Variants in DIP2C observed in about 807,000 individuals in gnomAD.
The protein encoded by DIP2C is DIP2 acetate--CoA ligase C (putative), also known as disco-interacting protein 2 homolog C.
Under a neutral mutation model 192.4 loss-of-function variants are expected in DIP2C, and 33 were observed. That is an observed-to-expected ratio of 0.17 (90% CI 0.13 to 0.23). The LOEUF (loss-of-function observed/expected upper bound fraction) is 0.23. DIP2C is among the 10% of genes least tolerant of loss of function. DIP2C has a pLI of 1.00. For missense variants in DIP2C, 1,537 were observed against 2,110.1 expected (o/e 0.73, Z 5.32); for synonymous variants, 979 against 864.1 (o/e 1.13, Z -2.33).
intron 1 of DIP2C, among the ~76,000 whole-genome samples, chr10:644,515 G>A (rs1055898634): frequency 2.6e-5 from 4 of 152,252 alleles, no homozygotes; most frequent in Non-Finnish European, 5.9e-5. Context: ...TCAGCAACAC[G>A]GCCCGCCGTA....
chr10:484,782 G>GA, intron 2 of DIP2C: 1 of 1,610,486 alleles, frequency 6.2e-7, no homozygotes, highest in Non-Finnish European at 8.5e-7. Context: ...AGCGCTCACC[G>GA]AAACGAAAGT....
At chr10:392,749 CAT>C (rs1348055781) in intron 10 of DIP2C, among the ~76,000 whole-genome samples, 4 of 150,920 alleles carry the variant, frequency 2.7e-5, no homozygotes, top group African/African-American at 9.7e-5. Flanking sequence ...CACACACTCA[CAT>C]ACACACACAC....
At chr10:384,323 C>T (rs1248700509) in intron 15 of DIP2C, among the ~76,000 whole-genome samples, 177 bp from the exon 16 acceptor site, 1 of 134,508 alleles carries the variant, frequency 7.4e-6, no homozygotes, top group African/African-American at 2.7e-5. Flanking sequence ...ACCGCAACCT[C>T]CTTCTCCTGG....
chr10:577,148 A>G (rs543065635), intron 1 of DIP2C, among the ~76,000 whole-genome samples: 6 of 152,342 alleles, frequency 3.9e-5, no homozygotes, highest in African/African-American at 1.2e-4. Context: ...AAGTTCCAGT[A>G]TGGCTGCATC....
At chr10:524,980 AAAAG>A (rs1382402036) in intron 1 of DIP2C, among the ~76,000 whole-genome samples, 1 of 151,586 alleles carries the variant, frequency 6.6e-6, no homozygotes, top group East Asian at 1.9e-4. Flanking sequence ...AAAAAAAAAA[AAAAG>A]AATCACATTT....
intron 1 of DIP2C, among the ~76,000 whole-genome samples, chr10:571,948 A>AC (rs1343508617): frequency 6.6e-6 from 1 of 152,238 alleles, no homozygotes; most frequent in African/African-American, 2.4e-5. Flanking sequence ...ATCCATGGTT[A>AC]CAAAAGAACC....
chr10:329,577 G>A lies in DIP2C; in HGVS notation c.3609C>T (p.Ile1203=), dbSNP rs368887719. 1.1e-5 allele frequency: 17 copies of A among 1,614,042 alleles called. No homozygotes were observed. Among genetic ancestry groups the A allele is most frequent in the Non-Finnish European group, 1.4e-5 (16 of 1,180,032 alleles). ...TTTCCAGCTCAGAGGGCGGGATCAG[G>A]ATGGACTGGTGCCCAGAATACACAC... ...LCSVYSGHQS[I]LIPPSELETN... is the part of the protein sequence containing the mutation. Residue 1203 remains isoleucine, a synonymous_variant, in exon 30 of 37, where the codon ATC becomes ATT. Transcript: ENST00000280886.
At chr10:440,651 T>A (rs1038292160) in intron 4 of DIP2C, among the ~76,000 whole-genome samples, 12 of 152,184 alleles carry the variant, frequency 7.9e-5, no homozygotes, top group Non-Finnish European at 4.4e-5. Flanking sequence ...TATGTATGAG[T>A]CTTGATGAAA....
intron 1 of DIP2C, among the ~76,000 whole-genome samples, chr10:505,385 T>C (rs752977731): frequency 2.6e-5 from 4 of 152,236 alleles, no homozygotes; most frequent in Non-Finnish European, 5.9e-5. Flanking sequence ...CTCCACCTTC[T>C]ACTGCCACAA....
At chr10:590,723 T>TA (rs1196066849) in intron 1 of DIP2C, among the ~76,000 whole-genome samples, 5 of 152,204 alleles carry the variant, frequency 3.3e-5, no homozygotes, top group Non-Finnish European at 7.3e-5. Flanking sequence ...TACCTAGTGC[T>TA]AGAAAGCAGA....
chr10:638,456 C>G (rs1396825084), intron 1 of DIP2C, among the ~76,000 whole-genome samples: 2 of 152,112 alleles, frequency 1.3e-5, no homozygotes, highest in Non-Finnish European at 2.9e-5. Context: ...AACAGGAAAC[C>G]AAAAGGCTTT....
At chr10:337,505 C>CTG (rs1957892958) in intron 29 of DIP2C, among the ~76,000 whole-genome samples, 1 of 127,522 alleles carries the variant, frequency 7.8e-6, no homozygotes, top group Non-Finnish European at 1.6e-5. Flanking sequence ...GAGGCCTAGA[C>CTG]AGTCTGTGTG....
intron 1 of DIP2C, among the ~76,000 whole-genome samples, chr10:686,595 C>T (rs778947320): frequency 6.6e-6 from 1 of 152,236 alleles, no homozygotes; most frequent in Non-Finnish European, 1.5e-5. Flanking sequence ...CACATGGATT[C>T]GAGGCCATCA....
chr10:310,214 A>G, intron 31 of DIP2C, 122 bp from the exon 32 acceptor site: 1 of 931,708 alleles, frequency 1.1e-6, no homozygotes, highest in Non-Finnish European at 1.7e-6. Flanking sequence ...AACTAAAAAC[A>G]CTTAGACCAG....
chr10:510,721 T>C (rs907241876), intron 1 of DIP2C, among the ~76,000 whole-genome samples: 3 of 152,234 alleles, frequency 2.0e-5, no homozygotes, highest in Non-Finnish European at 2.9e-5. Flanking sequence ...TGCATCTCAC[T>C]GTGACGTTAA....
At chr10:564,199 C>T (rs1029873115) in intron 1 of DIP2C, among the ~76,000 whole-genome samples, 1 of 152,104 alleles carries the variant, frequency 6.6e-6, no homozygotes, top group Non-Finnish European at 1.5e-5. Flanking sequence ...AGCAGGCCCT[C>T]GGGGGAGAAC....
intron 1 of DIP2C, among the ~76,000 whole-genome samples, chr10:520,469 G>A (rs576875845): frequency 5.3e-5 from 8 of 152,374 alleles, no homozygotes; most frequent in African/African-American, 1.9e-4. Context: ...CTGGCTTTCT[G>A]GGAGTAACAA....
chr10:538,842 A>G (rs151117650), intron 1 of DIP2C, among the ~76,000 whole-genome samples: 1 of 152,360 alleles, frequency 6.6e-6, no homozygotes, highest in East Asian at 1.9e-4. Flanking sequence ...ACTTTGAAAA[A>G]TGTGCTCACT....
intron 34 of DIP2C, 50 bp from the exon 35 acceptor site, chr10:283,496 G>T: frequency 6.3e-7 from 1 of 1,598,104 alleles, no homozygotes; most frequent in Non-Finnish European, 8.5e-7. Context: ...TTATCTCCAG[G>T]GAAATGAGAC....
Sources: allele counts gnomAD v4.1 joint callset (sites outside exome capture counted in the v4.1 genomes callset), GRCh38; gene constraint gnomAD v4.1.1; transcripts MANE v1.5; gene names NCBI Gene and HGNC (gene_info 2026-07-23, HGNC 2026-07-21).